Variants in WDR45B observed in about 807,000 individuals in gnomAD.
WDR45B encodes the protein WD repeat domain 45B, also known as WD repeat domain phosphoinositide-interacting protein 3.
WDR45B carries 20 observed loss-of-function variants against 44.6 expected under a neutral mutation model. The observed-to-expected ratio is 0.45, with a 90% CI of 0.32 to 0.65. WDR45B has a LOEUF of 0.65. Ranked by LOEUF, WDR45B falls within the 30% of genes least tolerant of loss-of-function variation. WDR45B has a pLI of 0.05. For synonymous variants in WDR45B, 169 were observed against 164.9 expected (o/e 1.02, Z -0.19); for missense variants, 323 against 430.2 (o/e 0.75, Z 2.20).
rs1452830529 is a variant in WDR45B at position 82,629,633 on chromosome 17, T to C, written c.244+1288A>G. 4.1e-6 allele frequency: 4 copies of C among 985,372 alleles called. No individual in the cohort carries two copies. In the Admixed American group the frequency reaches 2.5e-4, roughly 61 times the overall value. The allele number at this position is 985,372 out of a possible 1,614,324, so 61.0% of individuals were successfully genotyped here. ...TCCCATTTCATTTCTCTGTTCCTAA[T>C]TCCAAAACAAAAATAAATGTATCAG... On this transcript the variant is annotated intron_variant, in intron 3 of 9. Transcript: ENST00000392325.
At chr17:82,639,658 CTG>C (rs1232031638) in intron 2 of WDR45B, among the ~76,000 whole-genome samples, 2 of 151,942 alleles carry the variant, frequency 1.3e-5, no homozygotes, top group Non-Finnish European at 2.9e-5. Flanking sequence ...GGCTGCCGGG[CTG>C]TGTGTGTGTC....
At chr17:82,636,419 G>A (rs1477158322) in intron 2 of WDR45B, 1 of 151,968 alleles carries the variant, frequency 6.6e-6, no homozygotes, top group Non-Finnish European at 1.5e-5. Flanking sequence ...TTCCTGGAAT[G>A]AGAAGTAATC....
chr17:82,648,047 A>G (rs968021694), intron 1 of WDR45B, among the ~76,000 whole-genome samples: 5 of 147,104 alleles, frequency 3.4e-5, no homozygotes, highest in Non-Finnish European at 7.5e-5. Context: ...GGGAGCGCGA[A>G]AGGCCAGGAA....
intron 6 of WDR45B, among the ~76,000 whole-genome samples, chr17:82,620,325 C>T (rs923091471): frequency 2.0e-5 from 3 of 152,084 alleles, no homozygotes; most frequent in East Asian, 1.9e-4. Context: ...CCCAGCTACT[C>T]GGGAGGTGGA....
At chr17:82,643,020 AT>A in intron 2 of WDR45B, among the ~76,000 whole-genome samples, 1 of 152,370 alleles carries the variant, frequency 6.6e-6, no homozygotes, top group East Asian at 1.9e-4. Context: ...TGTATGTGGC[AT>A]CATACACTCC....
At chr17:82,642,534 A>C (rs935395734) in intron 2 of WDR45B, among the ~76,000 whole-genome samples, 2 of 152,190 alleles carry the variant, frequency 1.3e-5, no homozygotes, top group Non-Finnish European at 2.9e-5. Flanking sequence ...ATTGAATCCA[A>C]GGAGGGGGCT....
rs752706477 is a variant in WDR45B at position 82,617,246 on chromosome 17, G to C, written c.806+50C>G. On this transcript the variant is annotated intron_variant, in intron 8 of 9. Coordinates refer to ENST00000392325, the MANE Select transcript of WDR45B (RefSeq NM_019613.4). The stretch of plus-strand genomic sequence containing the variant: ...TGTCCCGTCCACACTGAAACACTGG[G>C]GACTCCTCTCATCCCCCGGCTTTTC... 11 of 1,562,926 alleles carry C rather than the reference G, an allele frequency of 7.0e-6. No homozygotes were observed. The South Asian group carries it at 8.0e-5, about 11-fold the overall frequency.
intron 5 of WDR45B, among the ~76,000 whole-genome samples, chr17:82,622,717 CA>C (rs892067477): frequency 4.4e-4 from 66 of 151,172 alleles, no homozygotes; most frequent in African/African-American, 1.4e-3. Flanking sequence ...CAGGCATGAC[CA>C]AAAATTTTTT....
intron 5 of WDR45B, 104 bp from the exon 6 acceptor site, chr17:82,621,903 T>C (rs1457941991): frequency 8.2e-7 from 1 of 1,213,648 alleles, no homozygotes; most frequent in Non-Finnish European, 1.2e-6. Context: ...ATGTATATCA[T>C]TTATAAATAT....
chr17:82,642,018 G>A (rs1201844589), intron 2 of WDR45B, among the ~76,000 whole-genome samples: 1 of 151,990 alleles, frequency 6.6e-6, no homozygotes, highest in Non-Finnish European at 1.5e-5. Context: ...AAAAATCCAA[G>A]AGGTCAGCTG....
In WDR45B at chr17:82,625,410, C is replaced by T. The variant is rs776115086; in HGVS notation, c.406G>A (p.Glu136Lys). ...TCACCTTTGGGGTTATAGCAGGTTT[C>T]GAAGACGTGCAACTGATGGGGATTG... ...THNPHQLHVF[E>K]TCYNPKGLCV... The change falls in exon 5 of 10, where the codon GAA (glutamate) becomes AAA (lysine). Residue 136 changes from glutamate to lysine, a missense_variant. Glu to Lys is a moderately conservative substitution (Grantham distance 56). Coordinates refer to ENST00000392325, the MANE Select transcript of WDR45B (RefSeq NM_019613.4). 23 of 1,614,024 alleles carry T rather than the reference C, an allele frequency of 1.4e-5. No individual in the cohort carries two copies. Among genetic ancestry groups the T allele is most frequent in the East Asian group, 2.2e-5 (1 of 44,892 alleles).
At chr17:82,647,257 A>C (rs2045990492) in intron 1 of WDR45B, among the ~76,000 whole-genome samples, 1 of 152,256 alleles carries the variant, frequency 6.6e-6, no homozygotes, top group Non-Finnish European at 1.5e-5. Flanking sequence ...GTCTTCACAT[A>C]TACGGGATCA....
Position 82,616,435 on chromosome 17 carries a change from G to C in WDR45B, c.928+89C>G. On this transcript the variant is annotated intron_variant, in intron 9 of 9. Coordinates refer to ENST00000392325, the MANE Select transcript of WDR45B (RefSeq NM_019613.4). The stretch of plus-strand genomic sequence containing the variant: ...CCATCGGTGCCACAGCGCGGTGCTG[G>C]GACGTCCATGGGAAGTTAGGTCTGA... 10 of 1,602,804 alleles carry C rather than the reference G, an allele frequency of 6.2e-6. No homozygotes were observed. In the South Asian group the frequency reaches 1.1e-4, roughly 18 times the overall value.
chr17:82,641,996 A>G (rs946289662), intron 2 of WDR45B, among the ~76,000 whole-genome samples: 1 of 152,180 alleles, frequency 6.6e-6, no homozygotes, highest in Non-Finnish European at 1.5e-5. Flanking sequence ...GAAGTAAAAA[A>G]ATAAAAAACA....
intron 2 of WDR45B, among the ~76,000 whole-genome samples, chr17:82,639,257 C>T (rs762956206): frequency 2.6e-5 from 4 of 151,950 alleles, no homozygotes; most frequent in East Asian, 1.9e-4. Flanking sequence ...GCATTCTTAC[C>T]GCATGAAGCA....
At chr17:82,646,064 T>C (rs577091812) in intron 1 of WDR45B, among the ~76,000 whole-genome samples, 6 of 149,372 alleles carry the variant, frequency 4.0e-5, no homozygotes, top group Non-Finnish European at 8.9e-5. Flanking sequence ...GAGGTTGCAG[T>C]GAGCTGAGAT....
chr17:82,615,494 C>A lies in WDR45B; in HGVS notation c.*425G>T, dbSNP rs2045519360. 1 of 263,256 alleles carries A rather than the reference C, an allele frequency of 3.8e-6. No individual in the cohort carries two copies. The highest frequency in any genetic ancestry group is 7.5e-6 in the Non-Finnish European group (1 of 132,572). The allele number at this position is 263,256 out of a possible 1,614,324, so 16.3% of individuals were successfully genotyped here. A position where few individuals can be genotyped will look rare whatever the true frequency, so the allele number is the denominator to read the frequency against. On this transcript the variant is annotated 3_prime_UTR_variant, in exon 10 of 10. Transcript: ENST00000392325. ...AATCTGCTTATCATGTAAGAACTTACATCTGCACACTTGTTCACTCCCCCG... is the reference window on the plus strand; with the variant it reads ...AATCTGCTTATCATGTAAGAACTTAAATCTGCACACTTGTTCACTCCCCCG...
intron 3 of WDR45B, among the ~76,000 whole-genome samples, chr17:82,628,434 G>A (rs999529797): frequency 2.6e-5 from 4 of 151,614 alleles, no homozygotes; most frequent in African/African-American, 7.2e-5. Flanking sequence ...AACCAGCACC[G>A]TGCTTTTGAA....
chr17:82,633,162 CA>C (rs57003725), intron 2 of WDR45B, among the ~76,000 whole-genome samples: 61,559 of 115,974 alleles, frequency 0.53, 15,690 homozygotes, highest in African/African-American at 0.72. Context: ...GACTCCATCT[CA>C]AAAAAAAAAA....
Sources: gnomAD v4.1 joint callset for allele counts (sites outside exome capture counted in the v4.1 genomes callset) on GRCh38, gnomAD v4.1.1 for gene constraint, MANE v1.5 for transcripts, NCBI Gene and HGNC (gene_info 2026-07-23, HGNC 2026-07-21) for gene names.